PLA2R1: variants seen among roughly 807,000 people sequenced by gnomAD.
The protein encoded by PLA2R1 is phospholipase A2 receptor 1, also known as secretory phospholipase A2 receptor.
Under a neutral mutation model 195.9 loss-of-function variants are expected in PLA2R1, and 158 were observed. The observed-to-expected ratio is 0.81, with a 90% confidence interval of 0.71 to 0.92. The LOEUF (loss-of-function observed/expected upper bound fraction) is 0.92. PLA2R1 is among the 40% of genes least tolerant of loss of function. PLA2R1 has a pLI of 0.00. For missense variants in PLA2R1, 1,626 were observed against 1,764.6 expected (o/e 0.92, Z 1.41); for synonymous variants, 586 against 598.2 (o/e 0.98, Z 0.30).
At position 160,012,872 on chromosome 2, in the gene PLA2R1, A is replaced by C. The variant is rs144727892; in HGVS notation, c.1664+391T>G. Among the ~76,000 whole-genome samples, 1,222 of 152,290 alleles carry C rather than the reference A, an allele frequency of 8.0e-3. 10 individuals carry two copies. Among genetic ancestry groups the C allele is most frequent in the Non-Finnish European group, 0.013 (870 of 68,030 alleles). On this transcript the variant is annotated intron_variant, in intron 10 of 29. Transcript: ENST00000283243. ...GGTTGCAGTGAGCTGAGACTGCACC[A>C]CTGCACTCCAGCCTGGGCAACAGAG...
At chr2:160,033,264 T>C (rs1693971059) in intron 3 of PLA2R1, 132 bp from the exon 4 acceptor site, 4 of 601,640 alleles carry the variant, frequency 6.6e-6, no homozygotes, top group African/African-American at 3.8e-5. Flanking sequence ...TATTCTTGAT[T>C]AGGTCTTTAT....
At chr2:160,015,477 G>A in intron 9 of PLA2R1, among the ~76,000 whole-genome samples, 1 of 152,130 alleles carries the variant, frequency 6.6e-6, no homozygotes, top group East Asian at 1.9e-4. Context: ...AATGCTGGCT[G>A]GAAAAGGGAA....
chr2:159,933,376 C>G lies in PLA2R1; in HGVS notation c.*8402G>C, dbSNP rs981972414. 3 of 152,150 alleles carry G rather than the reference C, an allele frequency of 2.0e-5. No individual in the cohort carries two copies. The highest frequency in any genetic ancestry group is 7.2e-5 in the African/African-American group (3 of 41,416). The allele number at this position is 152,150 out of a possible 1,614,324, so 9.4% of individuals were successfully genotyped here. The stretch of plus-strand genomic sequence containing the variant: ...TTTAAACTTTTTCTCTAAAAATATT[C>G]TGACCCCAAGCTAAAAACTTGCTTT... On this transcript the variant is annotated 3_prime_UTR_variant, in exon 30 of 30. Transcript: ENST00000283243.
chr2:160,020,050 G>T, intron 8 of PLA2R1, 56 bp downstream of exon 8: 1 of 1,354,702 alleles, frequency 7.4e-7, no homozygotes, highest in Non-Finnish European at 1.0e-6. Flanking sequence ...CTCCAACACA[G>T]GTGGCCTTCA....
chr2:159,962,808 C>T lies in PLA2R1; in HGVS notation c.2904+4731G>A, dbSNP rs1437504467. On this transcript the variant is annotated intron_variant, in intron 20 of 29. Transcript: ENST00000283243. ...AACAGAAAACCAAACACCACATGTTCTCACTCATAAGTGGGAGCTAACAAT... is the reference window on the plus strand; with the variant it reads ...AACAGAAAACCAAACACCACATGTTTTCACTCATAAGTGGGAGCTAACAAT... 2.0e-5 allele frequency among the ~76,000 whole-genome samples: 3 copies of T among 152,120 alleles called. No individual in the cohort carries two copies. The East Asian group carries it at 5.8e-4, about 29-fold the overall frequency.
intron 13 of PLA2R1, among the ~76,000 whole-genome samples, chr2:159,982,993 C>T (rs1690065193): frequency 6.6e-6 from 1 of 152,150 alleles, no homozygotes. Flanking sequence ...ACAGAAGATA[C>T]TCTCACAATG....
intron 1 of PLA2R1, among the ~76,000 whole-genome samples, chr2:160,053,348 TGG>T (rs5835790): frequency 0.22 from 30,557 of 139,396 alleles, 3,824 homozygotes; most frequent in Admixed American, 0.38. Flanking sequence ...ACGAATTTGG[TGG>T]GGGGGGGGGG....
intron 20 of PLA2R1, among the ~76,000 whole-genome samples, chr2:159,960,946 G>A (rs1688395828): frequency 6.6e-6 from 1 of 152,044 alleles, no homozygotes; most frequent in Non-Finnish European, 1.5e-5. Flanking sequence ...AAGTAAAGAA[G>A]GTCCATCATT....
At chr2:159,982,440 T>G (rs1690016902) in intron 13 of PLA2R1, among the ~76,000 whole-genome samples, 3 of 152,170 alleles carry the variant, frequency 2.0e-5, no homozygotes, top group Admixed American at 2.0e-4. Context: ...GGACTAGCAG[T>G]TCTGTGGGAT....
At chr2:159,950,864 C>T (rs560798226) in intron 24 of PLA2R1, among the ~76,000 whole-genome samples, 1 of 152,062 alleles carries the variant, frequency 6.6e-6, no homozygotes. Flanking sequence ...ATGAAAATAA[C>T]GTATTCTCTA....
chr2:160,041,555 G>T (rs563630487), intron 3 of PLA2R1, among the ~76,000 whole-genome samples: 1 of 152,154 alleles, frequency 6.6e-6, no homozygotes, highest in Non-Finnish European at 1.5e-5. Flanking sequence ...GGGCAATTGC[G>T]ATTTTAGAAA....
intron 10 of PLA2R1, among the ~76,000 whole-genome samples, chr2:160,008,939 C>G (rs544335390): frequency 1.3e-5 from 2 of 152,130 alleles, no homozygotes; most frequent in Non-Finnish European, 1.5e-5. Context: ...CCAATAAGCA[C>G]GTGAAAAGAT....
rs1416128642 is a variant in PLA2R1, at chr2:159,956,493, G to A, written c.3022+17C>T. On this transcript the variant is annotated intron_variant, in intron 21 of 29. Coordinates refer to ENST00000283243, the MANE Select transcript of PLA2R1 (RefSeq NM_007366.5). ...AAAAATGGTTATCTTGGCCTGGTTG[G>A]ATCTTGAGTACTCTACCTTGCTCCA... 2 of 1,329,102 alleles carry A rather than the reference G, an allele frequency of 1.5e-6. No individual in the cohort carries two copies. Among genetic ancestry groups the A allele is most frequent in the African/African-American group, 2.9e-5 (2 of 69,510 alleles). 82.3% of individuals were successfully genotyped at this position (1,329,102 alleles called of 1,614,324 possible).
intron 24 of PLA2R1, 90 bp from the exon 25 acceptor site, chr2:159,949,866 G>C: frequency 9.8e-7 from 1 of 1,024,038 alleles, no homozygotes; most frequent in Non-Finnish European, 1.5e-6. Flanking sequence ...TTCCCACATC[G>C]ATTGCTATTT....
intron 11 of PLA2R1, among the ~76,000 whole-genome samples, chr2:160,000,607 G>C (rs1213306895): frequency 6.6e-6 from 1 of 151,984 alleles, no homozygotes; most frequent in Admixed American, 6.6e-5. Context: ...TACAACTTCA[G>C]GTATGAGATT....
In PLA2R1 at chr2:159,940,168, G is replaced by A. The variant is rs1028687596; in HGVS notation, c.*1610C>T. The A allele has an allele frequency of 6.6e-6, 1 of 152,140 alleles. No individual in the cohort carries two copies. The highest frequency in any genetic ancestry group is 2.4e-5 in the African/African-American group (1 of 41,442). 9.4% of individuals were successfully genotyped at this position (152,140 alleles called of 1,614,324 possible). A position where few individuals can be genotyped will look rare whatever the true frequency, so the allele number is the denominator to read the frequency against. On this transcript the variant is annotated 3_prime_UTR_variant, in exon 30 of 30. Transcript: ENST00000283243. The stretch of plus-strand genomic sequence containing the variant: ...TCCCCCTTGTGATTAGTGGCCACTG[G>A]TTTTGAGGCAGTTGGTTGTAATAAT...
chr2:159,970,702 T>C (rs1291447810), intron 17 of PLA2R1, among the ~76,000 whole-genome samples: 1 of 152,302 alleles, frequency 6.6e-6, no homozygotes, highest in East Asian at 1.9e-4. Flanking sequence ...TTCCTTCCCA[T>C]TCAAATAGAG....
chr2:159,948,355 C>A (rs1336822317), intron 25 of PLA2R1, among the ~76,000 whole-genome samples: 4 of 152,080 alleles, frequency 2.6e-5, no homozygotes, highest in African/African-American at 9.7e-5. Context: ...CAGCCTCAGC[C>A]TCCCAAGTAG....
chr2:159,929,872 G>GTATATATATA (rs71000319), downstream of PLA2R1, among the ~76,000 whole-genome samples: 1 of 148,170 alleles, frequency 6.7e-6, no homozygotes, highest in African/African-American at 2.5e-5. Context: ...GTGTGTGTGT[G>GTATATATATA]TATATATATA....
Sources: allele counts gnomAD v4.1 joint callset (sites outside exome capture counted in the v4.1 genomes callset), GRCh38; gene constraint gnomAD v4.1.1; transcripts MANE v1.5; gene names NCBI Gene and HGNC (gene_info 2026-07-23, HGNC 2026-07-21).